ABLIM2: variants seen among roughly 807,000 people sequenced by gnomAD.
ABLIM2 encodes the protein actin binding LIM protein family member 2.
In ABLIM2, 53 loss-of-function variants were observed where a neutral mutation model predicts 97.7. The ratio of observed to expected loss-of-function variants is 0.54; its 90% CI spans 0.44 to 0.68. The LOEUF (loss-of-function observed/expected upper bound fraction) is 0.68. Ranked by LOEUF, ABLIM2 falls within the 30% of genes least tolerant of loss-of-function variation. The probability of loss-of-function intolerance (pLI) is 0.00; values close to 1 mark genes in which losing one functional copy is unlikely to be tolerated. For missense variants in ABLIM2, 835 were observed against 867.2 expected (o/e 0.96, Z 0.47); for synonymous variants, 361 against 345.8 (o/e 1.04, Z -0.49).
rs1393457207 is a variant in ABLIM2, at chr4:8,124,576, G to A, written c.11-17939C>T. 2.0e-5 allele frequency among the ~76,000 whole-genome samples: 3 copies of A among 152,128 alleles called. No individual in the cohort carries two copies. Among genetic ancestry groups the A allele is most frequent in the Non-Finnish European group, 4.4e-5 (3 of 68,032 alleles). Reference sequence around the variant, plus strand: ...TTCAGGGAGTGTCCGTGGTGTGGTGGGCGTCAGTGCCTCTTTCCTTTTGAT... The same window carrying A: ...TTCAGGGAGTGTCCGTGGTGTGGTGAGCGTCAGTGCCTCTTTCCTTTTGAT... On this transcript the variant is annotated intron_variant, in intron 1 of 20. Transcript: ENST00000447017. This position sits in a 1 kb window ranked among gnomAD's most constrained non-coding sequence, Gnocchi z 6.1.
rs992090113 is a variant in ABLIM2 at position 8,155,072 on chromosome 4, G to A, written c.10+3608C>T. Among the ~76,000 whole-genome samples the A allele has an allele frequency of 5.5e-4, 84 of 152,324 alleles. No individual in the cohort carries two copies. Among genetic ancestry groups the A allele is most frequent in the Admixed American group, 7.2e-4 (11 of 15,310 alleles). On this transcript the variant is annotated intron_variant, in intron 1 of 20. Coordinates refer to ENST00000447017, the MANE Select transcript of ABLIM2 (RefSeq NM_001130083.2). This position sits in a 1 kb window ranked among gnomAD's most constrained non-coding sequence, Gnocchi z 4.2. ...CTCCACCTGGCCCTGCCCTTGACACGTGGGGATTATTACAACTCAAGGTAA... is the reference window on the plus strand; with the variant it reads ...CTCCACCTGGCCCTGCCCTTGACACATGGGGATTATTACAACTCAAGGTAA...
Position 8,074,089 on chromosome 4 carries a change from CAAAAAAAAAA to C in ABLIM2, c.675+3529_675+3538del, listed in dbSNP as rs869080154. Among the ~76,000 whole-genome samples the C allele has an allele frequency of 5.7e-3, 259 of 45,734 alleles. 1 individual carries two copies. Among genetic ancestry groups the C allele is most frequent in the African/African-American group, 0.022 (251 of 11,438 alleles). 30.0% of individuals were successfully genotyped at this position (45,734 alleles called of 152,430 possible). Reference sequence around the variant, plus strand: ...ATGACAAGAGTAAAACTCTGTCTCACAAAAAAAAAAAAAAAAAAAAAAAAAAAAAGACAAG... The same window carrying C: ...ATGACAAGAGTAAAACTCTGTCTCACAAAAAAAAAAAAAAAAAAAGACAAG... On this transcript the variant is annotated intron_variant, in intron 6 of 20. Coordinates refer to ENST00000447017, the MANE Select transcript of ABLIM2 (RefSeq NM_001130083.2).
At chr4:8,156,831 A>T (rs1469340273) in intron 1 of ABLIM2, among the ~76,000 whole-genome samples, 1 of 152,202 alleles carries the variant, frequency 6.6e-6, no homozygotes, top group Non-Finnish European at 1.5e-5. Context: ...GGAACAAGGG[A>T]CCATGCTGTC....
chr4:8,074,641 T>A (rs1031481627), intron 6 of ABLIM2, among the ~76,000 whole-genome samples: 1 of 152,202 alleles, frequency 6.6e-6, no homozygotes, highest in East Asian at 1.9e-4. Flanking sequence ...TACATTTCTG[T>A]GAATATATCT....
rs976798173 is a variant in ABLIM2 at position 8,069,476 on chromosome 4, G to A, written c.675+8152C>T. Among the ~76,000 whole-genome samples, 2 of 152,248 alleles carry A rather than the reference G, an allele frequency of 1.3e-5. No individual in the cohort carries two copies. Among genetic ancestry groups the A allele is most frequent in the African/African-American group, 4.8e-5 (2 of 41,464 alleles). ...GCAAGGGAGGACACGACAGGCCAGCGTGGAAGGGTAGGACCAGGGGCTCTG... is the reference window on the plus strand; with the variant it reads ...GCAAGGGAGGACACGACAGGCCAGCATGGAAGGGTAGGACCAGGGGCTCTG... On this transcript the variant is annotated intron_variant, in intron 6 of 20. Coordinates refer to ENST00000447017, the MANE Select transcript of ABLIM2 (RefSeq NM_001130083.2). The surrounding 1 kb of genome is among the most constrained non-coding windows in gnomAD (Gnocchi z 4.2).
At chr4:8,106,659 C>A in intron 1 of ABLIM2, 22 bp from the exon 2 acceptor site, 1 of 1,591,320 alleles carries the variant, frequency 6.3e-7, no homozygotes, top group Non-Finnish European at 8.6e-7. Context: ...GAGAGAAGAG[C>A]AGCGTTCAAG....
At chr4:8,102,529 G>A (rs989491152) in intron 2 of ABLIM2, among the ~76,000 whole-genome samples, 27 of 152,194 alleles carry the variant, frequency 1.8e-4, no homozygotes, top group African/African-American at 6.5e-4. Flanking sequence ...GCACATAGTA[G>A]GTGCTCAATA....
At chr4:8,158,273 C>G (rs1316437983) in intron 1 of ABLIM2, among the ~76,000 whole-genome samples, 1 of 152,232 alleles carries the variant, frequency 6.6e-6, no homozygotes, top group African/African-American at 2.4e-5. Context: ...AGCTGCAAAG[C>G]CCCGCCTATC....
chr4:8,029,648 C>A lies in ABLIM2; in HGVS notation c.1168+8G>T. 8 of 1,508,742 alleles carry A rather than the reference C, an allele frequency of 5.3e-6. No homozygotes were observed. Among genetic ancestry groups the A allele is most frequent in the Non-Finnish European group, 7.1e-6 (8 of 1,120,836 alleles). The allele number at this position is 1,508,742 out of a possible 1,614,324, so 93.5% of individuals were successfully genotyped here. A position where few individuals can be genotyped will look rare whatever the true frequency, so the allele number is the denominator to read the frequency against. On this transcript the variant is annotated splice_region_variant and intron_variant, in intron 11 of 20. Coordinates refer to ENST00000447017, the MANE Select transcript of ABLIM2 (RefSeq NM_001130083.2). ...CTGGGGGCTCAGAGGAACCAGGGGG[C>A]CAAGTACCTGGACGGCTGTAGTGCT... is the stretch of plus-strand genomic sequence containing the variant.
Position 8,046,102 on chromosome 4 carries a change from T to C in ABLIM2, c.823-861A>G, listed in dbSNP as rs368539537. ...CACCTGTGGGCTTGTCCTGGCCTTT[T>C]TGCTGCTGTCACGCCTGGGACCTGT... On this transcript the variant is annotated intron_variant, in intron 8 of 20. Transcript: ENST00000447017. This position sits in a 1 kb window ranked among gnomAD's most constrained non-coding sequence, Gnocchi z 4.4. Among the ~76,000 whole-genome samples, 5 of 152,268 alleles carry C rather than the reference T, an allele frequency of 3.3e-5. No individual in the cohort carries two copies. The highest frequency in any genetic ancestry group is 2.0e-4 in the Admixed American group (3 of 15,296).
chr4:8,086,788 C>G (rs1273077036), intron 4 of ABLIM2, among the ~76,000 whole-genome samples: 1 of 151,872 alleles, frequency 6.6e-6, no homozygotes, highest in African/African-American at 2.4e-5. Context: ...AAGCCAAATT[C>G]TCAAAGATAG....
chr4:8,009,606 G>C (rs1763579609), intron 14 of ABLIM2, among the ~76,000 whole-genome samples: 1 of 152,090 alleles, frequency 6.6e-6, no homozygotes, highest in Non-Finnish European at 1.5e-5. Context: ...ATGTTGGCCA[G>C]GCTGGTCTTG....
chr4:8,056,931 C>CAA (rs10584281), intron 7 of ABLIM2, among the ~76,000 whole-genome samples: 8 of 43,120 alleles, frequency 1.9e-4, no homozygotes, highest in East Asian at 7.1e-4. Flanking sequence ...AACTCCGTCT[C>CAA]AAAAAAAAAA....
At chr4:7,983,457 C>G (rs1242296712) in intron 19 of ABLIM2, 90 bp downstream of exon 19, 4 of 1,589,472 alleles carry the variant, frequency 2.5e-6, no homozygotes, top group Non-Finnish European at 3.4e-6. Context: ...CTGACACACA[C>G]ATTTCATAGG....
chr4:8,105,092 C>A (rs928530842), intron 2 of ABLIM2, among the ~76,000 whole-genome samples: 1 of 152,160 alleles, frequency 6.6e-6, no homozygotes, highest in African/African-American at 2.4e-5. Context: ...ACCTCAGTGT[C>A]CCTCTTTCTG....
At chr4:7,974,945 G>C (rs936197424) in intron 20 of ABLIM2, among the ~76,000 whole-genome samples, 1 of 152,208 alleles carries the variant, frequency 6.6e-6, no homozygotes, top group Non-Finnish European at 1.5e-5. Context: ...CAGGCTGGAC[G>C]CAGTGGCTCA....
chr4:8,142,063 G>C (rs913302690), intron 1 of ABLIM2, among the ~76,000 whole-genome samples: 1 of 152,244 alleles, frequency 6.6e-6, no homozygotes, highest in African/African-American at 2.4e-5. Context: ...TGCAAGCCCA[G>C]CCTCTAGTGG....
At chr4:8,028,424 C>T (rs1778809234) in intron 11 of ABLIM2, among the ~76,000 whole-genome samples, 1 of 152,256 alleles carries the variant, frequency 6.6e-6, no homozygotes, top group South Asian at 2.1e-4. Context: ...CTCACTCACT[C>T]ACTCATTCAT....
chr4:8,012,270 C>T (rs1222077299), intron 14 of ABLIM2, among the ~76,000 whole-genome samples: 2 of 151,884 alleles, frequency 1.3e-5, no homozygotes, highest in South Asian at 2.1e-4. Flanking sequence ...TCCATCCACC[C>T]ACCACCCATC....
Sources: allele counts gnomAD v4.1 joint callset (sites outside exome capture counted in the v4.1 genomes callset), GRCh38; gene constraint gnomAD v4.1.1; non-coding constraint Gnocchi (gnomAD v3.1); transcripts MANE v1.5; gene names NCBI Gene and HGNC (gene_info 2026-07-23, HGNC 2026-07-21).